GAREM1: variants seen among roughly 807,000 people sequenced by gnomAD.
GAREM1 encodes the protein GRB2 associated regulator of MAPK1 subtype 1, also known as GRB2-associated and regulator of MAPK protein 1.
In GAREM1, 26 loss-of-function variants were observed where a neutral mutation model predicts 71.3. That is an observed-to-expected ratio of 0.36 (90% CI 0.27 to 0.51). The LOEUF (loss-of-function observed/expected upper bound fraction) is 0.51. GAREM1 is among the 20% of genes least tolerant of loss of function. The probability of loss-of-function intolerance (pLI) is 0.95; values close to 1 mark genes in which losing one functional copy is unlikely to be tolerated. For synonymous variants in GAREM1, 440 were observed against 433.2 expected (o/e 1.02, Z -0.20); for missense variants, 1,026 against 1,103.1 (o/e 0.93, Z 0.99).
chr18:32,338,320 A>G (rs2047617300), intron 2 of GAREM1, among the ~76,000 whole-genome samples: 2 of 152,112 alleles, frequency 1.3e-5, no homozygotes, highest in Non-Finnish European at 2.9e-5. Context: ...TCTTTTAGAA[A>G]TAAGGTGTTT....
intron 2 of GAREM1, among the ~76,000 whole-genome samples, chr18:32,373,732 G>A (rs1007791315): frequency 6.6e-6 from 1 of 152,286 alleles, no homozygotes; most frequent in African/African-American, 2.4e-5. Context: ...CTTTTCAACC[G>A]CCAGAGAGAT....
intron 1 of GAREM1, among the ~76,000 whole-genome samples, chr18:32,416,178 C>T (rs1027137712): frequency 6.6e-6 from 1 of 152,066 alleles, no homozygotes; most frequent in Non-Finnish European, 1.5e-5. Flanking sequence ...AGTAAAAGAT[C>T]TCTACAATGA....
intron 4 of GAREM1, among the ~76,000 whole-genome samples, chr18:32,282,224 T>C (rs1013551104): frequency 7.9e-5 from 12 of 152,104 alleles, no homozygotes; most frequent in Non-Finnish European, 1.6e-4. Flanking sequence ...AAAAAGACCA[T>C]CCTGGCCAAC....
intron 1 of GAREM1, among the ~76,000 whole-genome samples, chr18:32,434,751 C>T (rs1224401396): frequency 6.6e-6 from 1 of 152,042 alleles, no homozygotes; most frequent in Non-Finnish European, 1.5e-5. Context: ...ACCAGCAGAA[C>T]ACCACTATAA....
chr18:32,430,437 A>T (rs559721136), intron 1 of GAREM1, among the ~76,000 whole-genome samples: 1 of 152,314 alleles, frequency 6.6e-6, no homozygotes, highest in Non-Finnish European at 1.5e-5. Flanking sequence ...CGGATTCACA[A>T]ACTCTCTCTA....
chr18:32,440,570 TAA>T (rs768026978), intron 1 of GAREM1, among the ~76,000 whole-genome samples: 7 of 152,232 alleles, frequency 4.6e-5, no homozygotes, highest in Non-Finnish European at 8.8e-5. Flanking sequence ...AGTACAATAC[TAA>T]GTTTTGATTC....
chr18:32,268,127 G>A lies in GAREM1; in HGVS notation c.2375C>T (p.Ala792Val), dbSNP rs142893989. 6 of 1,614,028 alleles carry A rather than the reference G, an allele frequency of 3.7e-6. No homozygotes were observed. The highest frequency in any genetic ancestry group is 3.3e-5 in the Admixed American group (2 of 60,004). The change falls in exon 6 of 6, where the codon GCC (alanine) becomes GTC (valine). Residue 792 changes from alanine to valine, a missense_variant. Around this residue, in one of 3 missense-constraint regions of GAREM1, gnomAD observed 636 missense variants for 631.2 expected, o/e 1.01. Coordinates refer to ENST00000269209, the MANE Select transcript of GAREM1 (RefSeq NM_001242409.2). ...PFSSPLHLQL[A>V]PRSCGDGSPW... ...GGAACCGTCGCCACAGGATCTGGGG[G>A]CCAGCTGGAGATGGAGCGGAGATGA...
intron 2 of GAREM1, among the ~76,000 whole-genome samples, chr18:32,312,870 C>A (rs1274523714): frequency 6.6e-6 from 1 of 152,128 alleles, no homozygotes; most frequent in Non-Finnish European, 1.5e-5. Context: ...CCAAGAGATG[C>A]AGCAGTGGAA....
At chr18:32,283,033 G>A (rs986568152) in intron 4 of GAREM1, among the ~76,000 whole-genome samples, 4 of 152,220 alleles carry the variant, frequency 2.6e-5, no homozygotes, top group Non-Finnish European at 5.9e-5. Context: ...GGGACTGTCA[G>A]GTCATTCTGA....
At chr18:32,298,429 A>T (rs2047164657) in intron 3 of GAREM1, among the ~76,000 whole-genome samples, 1 of 152,086 alleles carries the variant, frequency 6.6e-6, no homozygotes, top group Admixed American at 6.6e-5. Context: ...CAAAAGAAAC[A>T]ATGCATTCTA....
At chr18:32,362,104 T>C (rs1312474312) in intron 2 of GAREM1, among the ~76,000 whole-genome samples, 3 of 152,102 alleles carry the variant, frequency 2.0e-5, no homozygotes, top group African/African-American at 7.2e-5. Flanking sequence ...GACATGGAAA[T>C]CCCCAATTTG....
intron 1 of GAREM1, among the ~76,000 whole-genome samples, chr18:32,423,628 T>C (rs778791573): frequency 1.5e-4 from 23 of 152,330 alleles, no homozygotes; most frequent in Non-Finnish European, 2.8e-4. Flanking sequence ...ACCTCACAAC[T>C]GTGTAACACA....
At position 32,332,734 on chromosome 18, in the gene GAREM1, C is replaced by T. The variant is rs185540866; in HGVS notation, c.263-22411G>A. On this transcript the variant is annotated intron_variant, in intron 2 of 5. Coordinates refer to ENST00000269209, the MANE Select transcript of GAREM1 (RefSeq NM_001242409.2). Reference sequence around the variant, plus strand: ...CTGACGGGACACTGTCGGGATTAAACGTAGTAAACCTAGAGAAGAGTTCAG... The same window carrying T: ...CTGACGGGACACTGTCGGGATTAAATGTAGTAAACCTAGAGAAGAGTTCAG... 2.9e-3 allele frequency among the ~76,000 whole-genome samples: 440 copies of T among 152,290 alleles called. 4 individuals are homozygous for T. Among genetic ancestry groups the T allele is most frequent in the African/African-American group, 0.01 (420 of 41,554 alleles).
At chr18:32,404,702 T>G (rs1266018868) in intron 1 of GAREM1, among the ~76,000 whole-genome samples, 2 of 152,314 alleles carry the variant, frequency 1.3e-5, no homozygotes, top group Non-Finnish European at 2.9e-5. Flanking sequence ...ATATATAATC[T>G]TATATGACAG....
At chr18:32,313,259 G>A (rs1224820462) in intron 2 of GAREM1, among the ~76,000 whole-genome samples, 2 of 152,170 alleles carry the variant, frequency 1.3e-5, no homozygotes, top group Non-Finnish European at 2.9e-5. Context: ...ATGGGCACAG[G>A]ATCCTGGGTG....
chr18:32,272,813 G>C (rs142939534), intron 4 of GAREM1, among the ~76,000 whole-genome samples: 5,681 of 152,286 alleles, frequency 0.037, 275 homozygotes, highest in African/African-American at 0.1. Flanking sequence ...AGTAGAAAGG[G>C]GGTTTCGCCA....
In GAREM1 at chr18:32,400,193, C is replaced by A. The variant is rs945165124; in HGVS notation, c.122-7158G>T. Reference sequence around the variant, plus strand: ...TAATTCAAGATGGATTAAAGACTTACATGTTAGACCTAAAACCATAAAAAC... The same window carrying A: ...TAATTCAAGATGGATTAAAGACTTAAATGTTAGACCTAAAACCATAAAAAC... On this transcript the variant is annotated intron_variant, in intron 1 of 5. Transcript: ENST00000269209. 6.6e-5 allele frequency among the ~76,000 whole-genome samples: 10 copies of A among 152,184 alleles called. No homozygotes were observed. In the East Asian group the frequency reaches 1.5e-3, roughly 23 times the overall value.
chr18:32,391,303 G>A (rs954599394), intron 2 of GAREM1, among the ~76,000 whole-genome samples: 2 of 152,148 alleles, frequency 1.3e-5, no homozygotes, highest in Middle Eastern at 3.2e-3. Context: ...GAAAAGATCA[G>A]TTTGGAGAAG....
intron 2 of GAREM1, among the ~76,000 whole-genome samples, chr18:32,383,729 A>T (rs936782864): frequency 2.0e-5 from 3 of 152,202 alleles, no homozygotes; most frequent in Non-Finnish European, 4.4e-5. Context: ...CCAACTTTCC[A>T]CTGAGTACCT....
Sources: allele counts gnomAD v4.1 joint callset (sites outside exome capture counted in the v4.1 genomes callset), GRCh38; gene constraint gnomAD v4.1.1; regional missense constraint gnomAD v4.1.1; transcripts MANE v1.5; gene names NCBI Gene and HGNC (gene_info 2026-07-23, HGNC 2026-07-21).